The following PAN3 variants were observed in gnomAD, a reference collection of about 807,000 sequenced individuals.
The protein encoded by PAN3 is PAN2-PAN3 deadenylation complex subunit PAN3.
In PAN3, 19 loss-of-function variants were observed where a neutral mutation model predicts 96.2. The ratio of observed to expected loss-of-function variants is 0.20; its 90% confidence interval spans 0.14 to 0.29. PAN3 has a LOEUF of 0.29. PAN3 is among the 10% of genes least tolerant of loss of function. PAN3 has a pLI of 1.00. For missense variants in PAN3, 882 were observed against 1,108.1 expected, an observed-to-expected ratio of 0.80 and a Z score of 2.90; for synonymous variants, 433 against 406.6, an observed-to-expected ratio of 1.06 and a Z score of -0.78.
At chr13:28,176,903 A>G (rs1053148301) in intron 3 of PAN3, among the ~76,000 whole-genome samples, 11 of 152,074 alleles carry the variant, frequency 7.2e-5, no homozygotes, top group African/African-American at 2.7e-4. Flanking sequence ...ATGCTATTTT[A>G]TTAACATCTT....
chr13:28,206,179 G>A (rs957613634), intron 5 of PAN3, among the ~76,000 whole-genome samples: 2 of 152,058 alleles, frequency 1.3e-5, no homozygotes, highest in African/African-American at 2.4e-5. Flanking sequence ...AAAACTCTGC[G>A]ATACAATTTG....
At chr13:28,261,277 A>G (rs1236089430) in intron 8 of PAN3, 124 bp from the exon 9 acceptor site, 5 of 545,178 alleles carry the variant, frequency 9.2e-6, no homozygotes, top group Non-Finnish European at 1.6e-5. Context: ...TAATATTTAA[A>G]TGATTTTAAT....
At chr13:28,251,676 T>G (rs1043881495) in intron 6 of PAN3, among the ~76,000 whole-genome samples, 1 of 152,244 alleles carries the variant, frequency 6.6e-6, no homozygotes, top group African/African-American at 2.4e-5. Context: ...TTTACTGCTT[T>G]TCCAGAGTCC....
At chr13:28,155,122 C>T (rs572420532) in intron 1 of PAN3, among the ~76,000 whole-genome samples, 9 of 151,790 alleles carry the variant, frequency 5.9e-5, no homozygotes, top group Non-Finnish European at 1.2e-4. Flanking sequence ...GGCGACTTTG[C>T]GGTTTTTAAA....
chr13:28,139,343 AG>A (rs1163796874), intron 1 of PAN3, among the ~76,000 whole-genome samples: 9 of 6,512 alleles, frequency 1.4e-3, no homozygotes, highest in African/African-American at 6.3e-3. Context: ...GGTGATGTGA[AG>A]GGGGGGCGGG....
chr13:28,178,088 T>A (rs549358119), intron 4 of PAN3, among the ~76,000 whole-genome samples, 153 bp downstream of exon 4: 13 of 152,300 alleles, frequency 8.5e-5, no homozygotes, highest in African/African-American at 2.6e-4. Flanking sequence ...TTTTTCTTTA[T>A]CTTTTTATAT....
intron 1 of PAN3, among the ~76,000 whole-genome samples, chr13:28,140,339 C>T (rs1005584892): frequency 6.6e-6 from 1 of 152,118 alleles, no homozygotes; most frequent in African/African-American, 2.4e-5. Context: ...TGTTTTGTTT[C>T]TTAGTATATT....
chr13:28,235,722 C>CACACACACACACACATAT (rs763204992), intron 6 of PAN3, among the ~76,000 whole-genome samples: 28 of 149,068 alleles, frequency 1.9e-4, no homozygotes, highest in African/African-American at 6.7e-4. Context: ...CACACACACA[C>CACACACACACACACATAT]ATATATATAT....
In PAN3 at chr13:28,229,570, T is replaced by G. The variant is rs45515492; in HGVS notation, c.1000+9192T>G. 5.9e-3 allele frequency among the ~76,000 whole-genome samples: 906 copies of G among 152,338 alleles called. 8 individuals are homozygous for G. Among genetic ancestry groups the G allele is most frequent in the African/African-American group, 0.021 (861 of 41,560 alleles). On this transcript the variant is annotated intron_variant, in intron 6 of 18. Transcript: ENST00000380958. ...TACTTAGATTTGTTATTCTTTCCAC[T>G]GGTCTTCTGCTCCAATGAATTAGTT...
chr13:28,169,791 G>A (rs1230632436), intron 1 of PAN3, among the ~76,000 whole-genome samples: 5 of 151,976 alleles, frequency 3.3e-5, no homozygotes, highest in Admixed American at 1.3e-4. Flanking sequence ...GCTCACGCCT[G>A]TAATCCCAGC....
At chr13:28,194,319 TA>T (rs1416703051) in intron 4 of PAN3, among the ~76,000 whole-genome samples, 2 of 151,638 alleles carry the variant, frequency 1.3e-5, no homozygotes, top group Non-Finnish European at 2.9e-5. Context: ...TTTGATTAAG[TA>T]AACGTTCTTT....
chr13:28,195,010 A>G (rs1221156719), intron 4 of PAN3, among the ~76,000 whole-genome samples: 1 of 152,170 alleles, frequency 6.6e-6, no homozygotes, highest in Non-Finnish European at 1.5e-5. Context: ...TGGCTTTTCT[A>G]AAGTATGATA....
intron 1 of PAN3, among the ~76,000 whole-genome samples, chr13:28,140,390 A>G (rs1195369104): frequency 6.6e-6 from 1 of 152,208 alleles, no homozygotes; most frequent in East Asian, 1.9e-4. Flanking sequence ...TTTCTTGGGA[A>G]TTCTGGAGAA....
rs201725671 is a variant in PAN3, at chr13:28,265,302, T to C, written c.1412-1413T>C. Among the ~76,000 whole-genome samples the C allele has an allele frequency of 3.3e-5, 5 of 152,374 alleles. No homozygotes were observed. The East Asian group carries it at 7.7e-4, about 23-fold the overall frequency. On this transcript the variant is annotated intron_variant, in intron 9 of 18. Coordinates refer to ENST00000380958, the MANE Select transcript of PAN3 (RefSeq NM_175854.8). ...GCTGAATTCAGCTCCTGGGTTTAAG[T>C]GATTCTGCTGCCTCAGCCTCCCAAG...
chr13:28,242,411 A>G (rs772975324), intron 6 of PAN3, among the ~76,000 whole-genome samples: 4 of 152,144 alleles, frequency 2.6e-5, no homozygotes, highest in Admixed American at 6.5e-5. Flanking sequence ...ATAATTTCCC[A>G]TCTACACAGT....
At chr13:28,219,789 T>A (rs1881203200) in intron 5 of PAN3, among the ~76,000 whole-genome samples, 1 of 152,232 alleles carries the variant, frequency 6.6e-6, no homozygotes, top group Non-Finnish European at 1.5e-5. Flanking sequence ...TACCATATTA[T>A]TAGGGAAATG....
intron 5 of PAN3, among the ~76,000 whole-genome samples, chr13:28,198,882 A>G (rs964205411): frequency 6.6e-6 from 1 of 152,206 alleles, no homozygotes; most frequent in African/African-American, 2.4e-5. Context: ...CATGAGTAGT[A>G]TCTGTATTGC....
At chr13:28,214,038 T>C (rs890639829) in intron 5 of PAN3, among the ~76,000 whole-genome samples, 1 of 152,040 alleles carries the variant, frequency 6.6e-6, no homozygotes, top group African/African-American at 2.4e-5. Context: ...TAGTGAGCAA[T>C]GATCTCTCCA....
intron 17 of PAN3, among the ~76,000 whole-genome samples, chr13:28,283,585 A>G (rs558755967): frequency 1.3e-5 from 2 of 152,330 alleles, no homozygotes; most frequent in East Asian, 3.9e-4. Flanking sequence ...AAAAATTGTA[A>G]ACCATACACA....
Sources: allele counts gnomAD v4.1 joint callset (sites outside exome capture counted in the v4.1 genomes callset), GRCh38; gene constraint gnomAD v4.1.1; transcripts MANE v1.5; gene names NCBI Gene and HGNC (gene_info 2026-07-23, HGNC 2026-07-21).